Variants in CNTN4 observed in about 807,000 individuals in gnomAD.
CNTN4 encodes the protein contactin 4, also known as contactin-4.
Under a neutral mutation model 122.5 loss-of-function variants are expected in CNTN4, and 77 were observed. The observed-to-expected ratio is 0.63, with a 90% confidence interval of 0.52 to 0.76. The LOEUF (loss-of-function observed/expected upper bound fraction) is 0.76. Among genes scored for constraint, CNTN4 ranks in the 30% least tolerant of loss-of-function variants. The probability of loss-of-function intolerance (pLI) is 0.00; values close to 1 mark genes in which losing one functional copy is unlikely to be tolerated. For missense variants in CNTN4, 1,256 were observed against 1,259.1 expected (o/e 1.00, Z 0.04); for synonymous variants, 512 against 447.0 (o/e 1.15, Z -1.83).
intron 13 of CNTN4, among the ~76,000 whole-genome samples, chr3:2,940,275 T>A (rs2094601902): frequency 6.6e-6 from 1 of 152,216 alleles, no homozygotes; most frequent in Non-Finnish European, 1.5e-5. Context: ...AAATTCTAGG[T>A]ATCATGAATG....
At chr3:2,994,552 C>T (rs1210799793) in intron 14 of CNTN4, among the ~76,000 whole-genome samples, 1 of 149,988 alleles carries the variant, frequency 6.7e-6, no homozygotes, top group Non-Finnish European at 1.5e-5. Flanking sequence ...TCATTGTTCA[C>T]CCCATAGAAA....
intron 2 of CNTN4, among the ~76,000 whole-genome samples, chr3:2,323,443 TACTTA>T (rs1272128556): frequency 1.1e-4 from 16 of 152,168 alleles, no homozygotes; most frequent in Non-Finnish European, 1.6e-4. Context: ...GCTTCAAGTT[TACTTA>T]ACTTTTGTAC....
intron 3 of CNTN4, among the ~76,000 whole-genome samples, chr3:2,369,817 T>G (rs1174295166): frequency 1.3e-5 from 2 of 152,162 alleles, no homozygotes; most frequent in African/African-American, 4.8e-5. Flanking sequence ...TTGCATTGAT[T>G]TAGAACCAGC....
At chr3:3,043,482 G>T in intron 22 of CNTN4, 110 bp from the exon 23 acceptor site, 1 of 808,962 alleles carries the variant, frequency 1.2e-6, no homozygotes, top group South Asian at 1.4e-5. Context: ...ACATATTAGT[G>T]CAATAGCCCA....
At chr3:2,462,845 A>C (rs796891708) in intron 3 of CNTN4, among the ~76,000 whole-genome samples, 2 of 152,336 alleles carry the variant, frequency 1.3e-5, no homozygotes, top group South Asian at 4.1e-4. Context: ...TCCAAGCAAA[A>C]GAAATTTCCT....
chr3:2,146,438 A>G (rs553365244), intron 2 of CNTN4, among the ~76,000 whole-genome samples: 1 of 152,220 alleles, frequency 6.6e-6, no homozygotes, highest in Admixed American at 6.5e-5. Context: ...TTATTTTGCT[A>G]TTATCTAAAA....
At chr3:2,279,192 AG>A (rs1248956694) in intron 2 of CNTN4, among the ~76,000 whole-genome samples, 1 of 149,814 alleles carries the variant, frequency 6.7e-6, no homozygotes, top group Non-Finnish European at 1.5e-5. Flanking sequence ...GCAAGGAATA[AG>A]GATTAATAAA....
At position 2,709,362 on chromosome 3, in the gene CNTN4, G is replaced by A. The variant is rs1046266657; in HGVS notation, c.56-26853G>A. Among the ~76,000 whole-genome samples the A allele has an allele frequency of 5.3e-5, 8 of 152,078 alleles. No individual in the cohort carries two copies. Among genetic ancestry groups the A allele is most frequent in the Non-Finnish European group, 8.8e-5 (6 of 68,032 alleles). On this transcript the variant is annotated intron_variant, in intron 4 of 24. Coordinates refer to ENST00000418658, the MANE Select transcript of CNTN4 (RefSeq NM_175607.3). This position sits in a 1 kb window ranked among gnomAD's most constrained non-coding sequence, Gnocchi z 5.0. ...GGGGGTCCTTAAAAAATACTGATGC[G>A]TAGGTCTCACGCCTGGTTAGGATTT...
intron 8 of CNTN4, among the ~76,000 whole-genome samples, chr3:2,875,004 A>G (rs2093827062): frequency 6.6e-6 from 1 of 152,004 alleles, no homozygotes; most frequent in South Asian, 2.1e-4. Flanking sequence ...GTTTTTTGAG[A>G]TAGAGTCTGT....
At chr3:2,994,674 C>G (rs1435959809) in intron 14 of CNTN4, among the ~76,000 whole-genome samples, 1 of 151,390 alleles carries the variant, frequency 6.6e-6, no homozygotes, top group African/African-American at 2.4e-5. Context: ...CTATTGCGCA[C>G]TATATAAAAT....
At chr3:2,450,519 A>G (rs1045517014) in intron 3 of CNTN4, among the ~76,000 whole-genome samples, 3 of 152,288 alleles carry the variant, frequency 2.0e-5, no homozygotes, top group South Asian at 2.1e-4. Context: ...GCACTTTGCA[A>G]TGGTAGTTTG....
rs75746225 is a variant in CNTN4 at position 2,433,709 on chromosome 3, G to A, written c.-89+94476G>A. On this transcript the variant is annotated intron_variant, in intron 3 of 24. Transcript: ENST00000418658. ...AAATCTTTGCCCAGACCAATGTTGCGGAGCATTTCCTGTATGTTTTCTTCT... is the reference window on the plus strand; with the variant it reads ...AAATCTTTGCCCAGACCAATGTTGCAGAGCATTTCCTGTATGTTTTCTTCT... Among the ~76,000 whole-genome samples, 36 of 152,184 alleles carry A rather than the reference G, an allele frequency of 2.4e-4. 1 individual carries two copies. In the East Asian group the frequency reaches 5.4e-3, roughly 23 times the overall value.
Position 2,550,017 on chromosome 3 carries a change from T to A in CNTN4, c.-88-21399T>A, listed in dbSNP as rs1320787499. ...TGTTTATACTATTCTCTAATGGTAG[T>A]TTATATTTCTGCGGTGTCAGTGTTT... On this transcript the variant is annotated intron_variant, in intron 3 of 24. Coordinates refer to ENST00000418658, the MANE Select transcript of CNTN4 (RefSeq NM_175607.3). 5.3e-5 allele frequency among the ~76,000 whole-genome samples: 8 copies of A among 152,176 alleles called. 1 individual carries two copies. Among genetic ancestry groups the A allele is most frequent in the Non-Finnish European group, 7.3e-5 (5 of 68,028 alleles).
intron 2 of CNTN4, among the ~76,000 whole-genome samples, chr3:2,328,372 C>G (rs558667269): frequency 1.3e-4 from 20 of 151,600 alleles, no homozygotes; most frequent in South Asian, 8.4e-4. Context: ...CGCCACCGCC[C>G]TCCAGCCTGG....
intron 3 of CNTN4, among the ~76,000 whole-genome samples, chr3:2,543,566 C>T (rs1266759744): frequency 6.6e-6 from 1 of 152,040 alleles, no homozygotes; most frequent in Non-Finnish European, 1.5e-5. Flanking sequence ...TCACAGGCTT[C>T]ACAGCTTCAT....
At chr3:2,614,245 C>T (rs1341602394) in intron 4 of CNTN4, among the ~76,000 whole-genome samples, 1 of 152,054 alleles carries the variant, frequency 6.6e-6, no homozygotes, top group Admixed American at 6.5e-5. Context: ...GGTGCAAAGA[C>T]CCTCAGGTGG....
At chr3:2,673,172 G>A (rs2084636539) in intron 4 of CNTN4, among the ~76,000 whole-genome samples, 1 of 152,038 alleles carries the variant, frequency 6.6e-6, no homozygotes, top group Non-Finnish European at 1.5e-5. Context: ...TTAAATGCCT[G>A]GCCTTAATAA....
intron 3 of CNTN4, among the ~76,000 whole-genome samples, chr3:2,412,555 G>C (rs2151044216): frequency 6.6e-6 from 1 of 152,230 alleles, no homozygotes; most frequent in East Asian, 1.9e-4. Context: ...ACCCGGCCCA[G>C]TCAACAGTTC....
chr3:2,317,529 C>G (rs1314195156), intron 2 of CNTN4, among the ~76,000 whole-genome samples: 1 of 152,138 alleles, frequency 6.6e-6, no homozygotes, highest in Non-Finnish European at 1.5e-5. Context: ...TCCTGAAGAG[C>G]ATTATCATAC....
Sources: allele counts gnomAD v4.1 joint callset (sites outside exome capture counted in the v4.1 genomes callset), GRCh38; gene constraint gnomAD v4.1.1; non-coding constraint Gnocchi (gnomAD v3.1); transcripts MANE v1.5; gene names NCBI Gene and HGNC (gene_info 2026-07-23, HGNC 2026-07-21).